The following GGTA1 variants were observed in gnomAD, a reference collection of about 807,000 sequenced individuals.
GGTA1 encodes the protein glycoprotein alpha-galactosyltransferase 1 (inactive).
A neutral mutation model predicts 2.6 loss-of-function variants in GGTA1; 5 were observed. The ratio of observed to expected loss-of-function variants is 1.92; its 90% CI spans 1.00 to 4.04. The LOEUF is 4.04. GGTA1 is among the 30% of genes most tolerant of loss of function. The pLI, the probability that GGTA1 is intolerant of heterozygous loss-of-function variation, is 0.00. For synonymous variants in GGTA1, 17 were observed against 5.0 expected (o/e 3.38, Z -3.19); for missense variants, 50 against 16.7 (o/e 2.99, Z -3.47).
intron 5 of GGTA1, among the ~76,000 whole-genome samples, chr9:121,458,732 G>C (rs192626858): frequency 1.3e-5 from 2 of 152,168 alleles, no homozygotes; most frequent in Admixed American, 6.5e-5. Flanking sequence ...GCCATGCAAG[G>C]GGAAGAGTGA....
chr9:121,479,417 C>A (rs1828586244), intron 1 of GGTA1: 2 of 278,088 alleles, frequency 7.2e-6, no homozygotes, highest in South Asian at 6.6e-5. Context: ...CCTTGCAGGC[C>A]TTTGGGAAAC....
intron 1 of GGTA1, among the ~76,000 whole-genome samples, chr9:121,497,914 C>G (rs1470666596): frequency 6.6e-6 from 1 of 152,172 alleles, no homozygotes; most frequent in Non-Finnish European, 1.5e-5. Flanking sequence ...TCAGAGCCAC[C>G]ATGGCCAGAC....
intron 7 of GGTA1, among the ~76,000 whole-genome samples, chr9:121,448,814 ATATCAC>A (rs2064864364): frequency 6.6e-6 from 1 of 152,288 alleles, no homozygotes; most frequent in African/African-American, 2.4e-5. Flanking sequence ...CTACACTGAC[ATATCAC>A]TATCACCCAA....
intron 3 of GGTA1, among the ~76,000 whole-genome samples, chr9:121,461,947 G>A (rs2064963526): frequency 6.6e-6 from 1 of 152,248 alleles, no homozygotes; most frequent in African/African-American, 2.4e-5. Context: ...GGGTCACTGA[G>A]CAAGAAGTTC....
At chr9:121,451,423 G>C (rs954991157), downstream of GGTA1, among the ~76,000 whole-genome samples, 4 of 152,196 alleles carry the variant, frequency 2.6e-5, no homozygotes, top group African/African-American at 9.7e-5. Context: ...CTGACCTCGT[G>C]ATCCACCCAC....
chr9:121,473,249 G>A (rs1828430096), intron 1 of GGTA1, among the ~76,000 whole-genome samples: 1 of 148,258 alleles, frequency 6.7e-6, no homozygotes, highest in Admixed American at 6.9e-5. Flanking sequence ...GAACCCGGGA[G>A]GCAGAGGCTG....
chr9:121,460,681 C>T (rs1487201397), intron 4 of GGTA1, among the ~76,000 whole-genome samples: 1 of 152,044 alleles, frequency 6.6e-6, no homozygotes, highest in African/African-American at 2.4e-5. Context: ...CCTGTCTCTA[C>T]TAAAAATACA....
chr9:121,466,953 CA>C (rs397894554), intron 2 of GGTA1, among the ~76,000 whole-genome samples: 19,374 of 99,868 alleles, frequency 0.19, 1,116 homozygotes, highest in Middle Eastern at 0.26. Flanking sequence ...GACTCTGTCT[CA>C]AAAAAAAAAA....
At chr9:121,496,757 A>AAAAAAAAAAAAAAAAAACAG in intron 1 of GGTA1, among the ~76,000 whole-genome samples, 1 of 112,006 alleles carries the variant, frequency 8.9e-6, no homozygotes, top group Admixed American at 9.5e-5. Flanking sequence ...AAAAAAAAAA[A>AAAAAAAAAAAAAAAAAACAG]AGAGAGAGAG....
chr9:121,498,458 A>AC (rs1437270842), intron 1 of GGTA1, among the ~76,000 whole-genome samples: 2 of 151,466 alleles, frequency 1.3e-5, no homozygotes, highest in African/African-American at 2.4e-5. Context: ...TGTCCTCCAC[A>AC]CCCCCCACTC....
At chr9:121,478,519 A>G (rs1326054757) in intron 1 of GGTA1, among the ~76,000 whole-genome samples, 3 of 152,150 alleles carry the variant, frequency 2.0e-5, no homozygotes, top group Admixed American at 6.5e-5. Flanking sequence ...GGGTGTAAGG[A>G]GGAAGAGTGC....
intron 2 of GGTA1, among the ~76,000 whole-genome samples, chr9:121,467,191 T>A (rs1298970037): frequency 3.3e-5 from 5 of 152,144 alleles, no homozygotes; most frequent in Admixed American, 3.3e-4. Flanking sequence ...GTCAGAAGCC[T>A]CTCCAGCTGG....
At chr9:121,457,442 C>T (rs567939057) in intron 5 of GGTA1, among the ~76,000 whole-genome samples, 7 of 151,938 alleles carry the variant, frequency 4.6e-5, no homozygotes, top group East Asian at 1.9e-4. Context: ...GGCTCACGCC[C>T]GTAATCCCAG....
downstream of GGTA1, among the ~76,000 whole-genome samples, chr9:121,452,784 G>A (rs1359805035): frequency 6.6e-6 from 1 of 152,206 alleles, no homozygotes. Context: ...CTACCAAAGT[G>A]CCAGGATTAC....
Position 121,467,834 on chromosome 9 carries a change from C to G in GGTA1, c.80+9G>C, listed in dbSNP as rs2065015581. 1 of 455,562 alleles carries G rather than the reference C, an allele frequency of 2.2e-6. No homozygotes were observed. Among genetic ancestry groups the G allele is most frequent in the East Asian group, 7.0e-5 (1 of 14,382 alleles). 28.2% of individuals were successfully genotyped at this position (455,562 alleles called of 1,614,324 possible). On this transcript the variant is annotated intron_variant, in intron 2 of 5. Coordinates refer to ENST00000481799, the MANE Select transcript of GGTA1 (RefSeq NM_001382585.1). ...TCATCCACATCACTTCATCATGTTT[C>G]ATAATTACCTGTTGATAAATTCCCA...
chr9:121,446,425 A>T (rs1389373137), exon 8 of GGTA1: 1 of 152,236 alleles, frequency 6.6e-6, no homozygotes, highest in Non-Finnish European at 1.5e-5. Flanking sequence ...GCAATCTGCT[A>T]TTGAAGCTTT....
intron 1 of GGTA1, among the ~76,000 whole-genome samples, chr9:121,494,159 G>C (rs1189621211): frequency 6.6e-6 from 1 of 152,148 alleles, no homozygotes; most frequent in African/African-American, 2.4e-5. Context: ...CAGCCACACA[G>C]GGTTTCAGAG....
rs375430858 is a variant in GGTA1, at chr9:121,484,566, C to T, written c.-10+15084G>A. On this transcript the variant is annotated intron_variant, in intron 1 of 5. Transcript: ENST00000481799. ...CCCAAAGTACTGGGATTATAGGTCC[C>T]GCCGCTGTCTACATTTTTCAAATGT... Among the ~76,000 whole-genome samples the T allele has an allele frequency of 3.9e-5, 6 of 152,182 alleles. No homozygotes were observed. In the South Asian group the frequency reaches 6.2e-4, roughly 16 times the overall value.
chr9:121,448,420 A>G (rs781686996), intron 7 of GGTA1, among the ~76,000 whole-genome samples: 8 of 152,142 alleles, frequency 5.3e-5, no homozygotes, highest in Non-Finnish European at 8.8e-5. Flanking sequence ...TAGTCATCCT[A>G]TGAGCCTCCC....
Sources: gnomAD v4.1 joint callset for allele counts (sites outside exome capture counted in the v4.1 genomes callset) on GRCh38, gnomAD v4.1.1 for gene constraint, MANE v1.5 for transcripts, NCBI Gene and HGNC (gene_info 2026-07-23, HGNC 2026-07-21) for gene names.